The following SLC67A2 variants were observed in gnomAD, a reference collection of about 807,000 sequenced individuals.
SLC67A2 encodes solute carrier family 67 member 2.
the SLC67A2 span, among the ~76,000 whole-genome samples, chr2:102,730,265 G>A: frequency 6.6e-6 from 1 of 152,082 alleles, no homozygotes; most frequent in African/African-American, 2.4e-5. Context: ...GCCCAGGCTA[G>A]ACTTGAATTC....
the SLC67A2 span, chr2:102,726,949 C>T: frequency 6.2e-7 from 1 of 1,613,716 alleles, no homozygotes; most frequent in Non-Finnish European, 8.5e-7. Flanking sequence ...GGAAGACCGT[C>T]TTCCCACTAC....
chr2:102,719,090 GCTGCCTCCTGCA>G, the SLC67A2 span: 1 of 1,614,230 alleles, frequency 6.2e-7, no homozygotes, highest in Middle Eastern at 1.7e-4. Flanking sequence ...GCGGCTGGTG[GCTGCCTCCTGCA>G]CTGTGTCATG....
chr2:102,736,525 C>G, the SLC67A2 span: 1 of 1,597,614 alleles, frequency 6.3e-7, no homozygotes, highest in Non-Finnish European at 8.5e-7. Flanking sequence ...TAGTGAGGCA[C>G]TCACCAGGCG....
the SLC67A2 span, chr2:102,716,816 T>G: frequency 6.6e-6 from 1 of 152,214 alleles, no homozygotes; most frequent in Non-Finnish European, 1.5e-5. Context: ...AGGAAGCCCT[T>G]AAGTAACTGA....
chr2:102,734,125 C>T, the SLC67A2 span, among the ~76,000 whole-genome samples: 1 of 152,272 alleles, frequency 6.6e-6, no homozygotes, highest in African/African-American at 2.4e-5. Flanking sequence ...GAAGGGGCCA[C>T]TTAAACTTTC....
At chr2:102,735,976 T>C in the SLC67A2 span, among the ~76,000 whole-genome samples, 1 of 152,008 alleles carries the variant, frequency 6.6e-6, no homozygotes, top group Non-Finnish European at 1.5e-5. Context: ...CCGAGAGCTC[T>C]AGTGAAAATG....
chr2:102,727,314 C>G, the SLC67A2 span, among the ~76,000 whole-genome samples: 1 of 152,130 alleles, frequency 6.6e-6, no homozygotes, highest in Non-Finnish European at 1.5e-5. Flanking sequence ...CTACACTCTT[C>G]AGATACCATG....
At chr2:102,736,684 G>C in the SLC67A2 span, 2 of 1,613,608 alleles carry the variant, frequency 1.2e-6, no homozygotes, top group Non-Finnish European at 8.5e-7. Context: ...AGGAAGCGGC[G>C]GGCTCCGACG....
the SLC67A2 span, among the ~76,000 whole-genome samples, chr2:102,728,000 C>G: frequency 6.6e-6 from 1 of 152,166 alleles, no homozygotes; most frequent in Non-Finnish European, 1.5e-5. Flanking sequence ...TTTGGGAAGC[C>G]TCAGAAACCT....
the SLC67A2 span, chr2:102,736,447 G>A: frequency 4.1e-4 from 574 of 1,392,686 alleles, 4 homozygotes; most frequent in East Asian, 0.014. Context: ...AAAGCGCGAG[G>A]GGCAATAAAG....
chr2:102,723,560 G>A, the SLC67A2 span: 1 of 754,000 alleles, frequency 1.3e-6, no homozygotes, highest in Non-Finnish European at 2.2e-6. Context: ...ACACTAGGGG[G>A]GGTTCCTCAA....
chr2:102,717,607 G>C, the SLC67A2 span: 1 of 152,426 alleles, frequency 6.6e-6, no homozygotes, highest in East Asian at 1.9e-4. Flanking sequence ...CCAGGGGCCC[G>C]CTGCTCCATC....
chr2:102,715,624 T>C, the SLC67A2 span, among the ~76,000 whole-genome samples: 1 of 152,012 alleles, frequency 6.6e-6, no homozygotes, highest in Non-Finnish European at 1.5e-5. Flanking sequence ...TCCCAAGCAG[T>C]TATGGCTGGC....
the SLC67A2 span, among the ~76,000 whole-genome samples, chr2:102,731,816 T>C: frequency 2.0e-5 from 3 of 152,246 alleles, no homozygotes; most frequent in Non-Finnish European, 4.4e-5. Flanking sequence ...GGTAAATCAA[T>C]GACTTCTGGA....
At chr2:102,736,237 T>C in the SLC67A2 span, among the ~76,000 whole-genome samples, 1 of 152,078 alleles carries the variant, frequency 6.6e-6, no homozygotes, top group Non-Finnish European at 1.5e-5. Context: ...CTGCCTGTTC[T>C]GGTAAAAAGG....
the SLC67A2 span, chr2:102,732,077 A>T: frequency 5.1e-5 from 32 of 621,608 alleles, no homozygotes; most frequent in African/African-American, 5.6e-4. Flanking sequence ...ACCTGTTGCC[A>T]CTAGTGGCAT....
At chr2:102,726,881 T>C in the SLC67A2 span, 3 of 1,610,294 alleles carry the variant, frequency 1.9e-6, no homozygotes, top group East Asian at 2.2e-5. Flanking sequence ...AGAAACACAT[T>C]GGTGGCTGCT....
At chr2:102,732,786 C>G in the SLC67A2 span, among the ~76,000 whole-genome samples, 2 of 152,258 alleles carry the variant, frequency 1.3e-5, no homozygotes, top group East Asian at 3.9e-4. Flanking sequence ...TGGCTAATGT[C>G]CTAGGACCTG....
the SLC67A2 span, among the ~76,000 whole-genome samples, chr2:102,714,816 C>A: frequency 6.6e-6 from 1 of 152,074 alleles, no homozygotes; most frequent in Non-Finnish European, 1.5e-5. Flanking sequence ...TACTAGGGGG[C>A]AAAGAGGCAT....
Sources: allele counts gnomAD v4.1 joint callset (sites outside exome capture counted in the v4.1 genomes callset), GRCh38; gene constraint gnomAD v4.1.1; transcripts MANE v1.5; gene names NCBI Gene and HGNC (gene_info 2026-07-23, HGNC 2026-07-21).